Variants in NRXN3 observed in about 807,000 individuals in gnomAD.
NRXN3 encodes neurexin III.
In NRXN3, 32 loss-of-function variants were observed where a neutral mutation model predicts 137.6. That is an observed-to-expected ratio of 0.23 (90% CI 0.18 to 0.31). The LOEUF is 0.31. Ranked by LOEUF, NRXN3 falls within the 10% of genes least tolerant of loss-of-function variation. The probability of loss-of-function intolerance (pLI) is 1.00; values close to 1 mark genes in which losing one functional copy is unlikely to be tolerated. For synonymous variants in NRXN3, 798 were observed against 784.5 expected, an observed-to-expected ratio of 1.02 and a Z score of -0.29; for missense variants, 1,574 against 2,062.5, an observed-to-expected ratio of 0.76 and a Z score of 4.59.
At chr14:79,236,290 A>T (rs2073346180) in intron 15 of NRXN3, among the ~76,000 whole-genome samples, 1 of 152,130 alleles carries the variant, frequency 6.6e-6, no homozygotes, top group Admixed American at 6.6e-5. Context: ...TTAAATATTT[A>T]TATGGTGTAT....
intron 15 of NRXN3, among the ~76,000 whole-genome samples, chr14:79,017,743 G>C (rs1314709923): frequency 6.6e-6 from 1 of 152,118 alleles, no homozygotes; most frequent in African/African-American, 2.4e-5. Flanking sequence ...GATGTCTGCA[G>C]GGAAAGGATA....
intron 6 of NRXN3, among the ~76,000 whole-genome samples, chr14:78,699,269 A>T (rs2098256968): frequency 6.7e-6 from 1 of 149,652 alleles, no homozygotes; most frequent in South Asian, 2.1e-4. Flanking sequence ...CTGTGCTTCA[A>T]GTGGCGAATA....
intron 16 of NRXN3, among the ~76,000 whole-genome samples, chr14:79,653,398 C>T (rs989755736): frequency 6.6e-6 from 1 of 152,146 alleles, no homozygotes; most frequent in African/African-American, 2.4e-5. Context: ...AGTCCCAAGC[C>T]TTTAAAATGT....
chr14:78,287,833 G>A (rs1471512328), intron 3 of NRXN3, among the ~76,000 whole-genome samples: 1 of 152,186 alleles, frequency 6.6e-6, no homozygotes, highest in South Asian at 2.1e-4. Flanking sequence ...CCTACAAGGG[G>A]TTTTAATTCT....
intron 16 of NRXN3, among the ~76,000 whole-genome samples, chr14:79,562,089 T>C (rs1435781490): frequency 6.6e-6 from 1 of 152,180 alleles, no homozygotes; most frequent in East Asian, 1.9e-4. Context: ...ATAAGTATCA[T>C]ATAAATTTCA....
intron 15 of NRXN3, among the ~76,000 whole-genome samples, chr14:79,191,790 T>A (rs942535053): frequency 6.6e-6 from 1 of 152,174 alleles, no homozygotes; most frequent in Non-Finnish European, 1.5e-5. Context: ...GCTGATTTGT[T>A]CATATTTAAG....
intron 6 of NRXN3, among the ~76,000 whole-genome samples, chr14:78,655,717 G>C (rs1032658979): frequency 1.3e-5 from 2 of 152,120 alleles, no homozygotes; most frequent in Non-Finnish European, 2.9e-5. Context: ...ACCTCATGGA[G>C]CTCTGAAATC....
intron 15 of NRXN3, among the ~76,000 whole-genome samples, chr14:79,459,088 G>A (rs536999676): frequency 2.0e-5 from 3 of 152,078 alleles, no homozygotes; most frequent in South Asian, 2.1e-4. Flanking sequence ...ATAATGAAAA[G>A]AATGTAGATT....
At chr14:78,931,554 T>C (rs1256724284) in intron 10 of NRXN3, among the ~76,000 whole-genome samples, 1 of 152,028 alleles carries the variant, frequency 6.6e-6, no homozygotes, top group Non-Finnish European at 1.5e-5. Flanking sequence ...GTGCCATGGG[T>C]ATTAATAGTC....
intron 4 of NRXN3, among the ~76,000 whole-genome samples, chr14:78,460,318 C>G (rs2094885301): frequency 6.6e-6 from 1 of 152,198 alleles, no homozygotes; most frequent in Non-Finnish European, 1.5e-5. Flanking sequence ...CATTGGGGAT[C>G]AACTCAATCT....
At chr14:78,266,308 C>CT (rs752220953) in intron 2 of NRXN3, among the ~76,000 whole-genome samples, 2 of 151,054 alleles carry the variant, frequency 1.3e-5, no homozygotes, top group African/African-American at 4.9e-5. Flanking sequence ...TTCTTTCTTT[C>CT]TTTTTTTTTG....
chr14:79,603,900 T>C (rs1487746469), intron 16 of NRXN3, among the ~76,000 whole-genome samples: 2 of 152,058 alleles, frequency 1.3e-5, no homozygotes, highest in Non-Finnish European at 2.9e-5. Flanking sequence ...AATCTTCTTA[T>C]TATTTGAGAC....
chr14:78,842,172 T>C (rs1455779376), intron 10 of NRXN3, among the ~76,000 whole-genome samples: 3 of 152,152 alleles, frequency 2.0e-5, no homozygotes, highest in Admixed American at 2.0e-4. Context: ...TATTACCATA[T>C]ATTTAGATAT....
chr14:79,489,318 A>G (rs867759251), intron 16 of NRXN3, among the ~76,000 whole-genome samples: 14 of 152,064 alleles, frequency 9.2e-5, no homozygotes, highest in Non-Finnish European at 7.4e-5. Flanking sequence ...TGCTCATATG[A>G]TGAACCACAT....
chr14:79,425,207 A>G (rs765837165), intron 15 of NRXN3, among the ~76,000 whole-genome samples: 1 of 152,224 alleles, frequency 6.6e-6, no homozygotes, highest in Non-Finnish European at 1.5e-5. Flanking sequence ...AAGTAGTTAT[A>G]TATCGGAACC....
chr14:78,402,232 AT>A (rs2092136232), intron 4 of NRXN3, among the ~76,000 whole-genome samples: 1 of 152,372 alleles, frequency 6.6e-6, no homozygotes, highest in African/African-American at 2.4e-5. Context: ...AAAGATCCAC[AT>A]GCAACGACCT....
intron 10 of NRXN3, among the ~76,000 whole-genome samples, chr14:78,845,548 T>C (rs1455235910): frequency 6.6e-6 from 1 of 152,054 alleles, no homozygotes; most frequent in African/African-American, 2.4e-5. Flanking sequence ...CTGCTCCTCC[T>C]TCCTGCTTAT....
chr14:79,501,185 T>G (rs1438028180), intron 16 of NRXN3, among the ~76,000 whole-genome samples: 1 of 152,178 alleles, frequency 6.6e-6, no homozygotes, highest in Non-Finnish European at 1.5e-5. Flanking sequence ...TTTGTATGTC[T>G]GTCCGATGCT....
chr14:79,399,755 G>T, intron 15 of NRXN3, among the ~76,000 whole-genome samples: 1 of 152,182 alleles, frequency 6.6e-6, no homozygotes, highest in East Asian at 1.9e-4. Flanking sequence ...GACAAATTGT[G>T]AAAAACTGTG....
Sources: gnomAD v4.1 joint callset for allele counts (sites outside exome capture counted in the v4.1 genomes callset) on GRCh38, gnomAD v4.1.1 for gene constraint, MANE v1.5 for transcripts, NCBI Gene and HGNC (gene_info 2026-07-23, HGNC 2026-07-21) for gene names.